Variants in RAB3C observed in about 807,000 individuals in gnomAD.
The protein encoded by RAB3C is RAB3C, member RAS oncogene family.
RAB3C carries 17 observed loss-of-function variants against 26.4 expected under a neutral mutation model. The ratio of observed to expected loss-of-function variants is 0.64; its 90% CI spans 0.44 to 0.97. RAB3C has a LOEUF of 0.97. Ranked by LOEUF, RAB3C falls within the 50% of genes least tolerant of loss-of-function variation. The pLI is 0.00. For missense variants in RAB3C, 242 were observed against 281.9 expected (o/e 0.86, Z 1.01); for synonymous variants, 91 against 95.9 (o/e 0.95, Z 0.30).
intron 1 of RAB3C, among the ~76,000 whole-genome samples, chr5:58,590,809 T>G (rs980042318): frequency 4.6e-5 from 7 of 152,154 alleles, no homozygotes; most frequent in African/African-American, 1.4e-4. Flanking sequence ...CCTCCCAAAG[T>G]GCTGGGATTA....
At chr5:58,785,881 A>G (rs772326186) in intron 3 of RAB3C, among the ~76,000 whole-genome samples, 3 of 152,260 alleles carry the variant, frequency 2.0e-5, no homozygotes, top group Non-Finnish European at 2.9e-5. Flanking sequence ...TCAGTTTCAG[A>G]GTGCTGCAAT....
At chr5:58,608,006 A>G (rs551307680) in intron 1 of RAB3C, among the ~76,000 whole-genome samples, 2 of 152,340 alleles carry the variant, frequency 1.3e-5, no homozygotes, top group East Asian at 1.9e-4. Flanking sequence ...CATCAATGCT[A>G]TGAAGAAACT....
In RAB3C at chr5:58,612,890, T is replaced by C. The variant is rs1482590409; in HGVS notation, c.25-4753T>C. Among the ~76,000 whole-genome samples, 4 of 152,080 alleles carry C rather than the reference T, an allele frequency of 2.6e-5. No homozygotes were observed. The South Asian group carries it at 8.3e-4, about 32-fold the overall frequency. On this transcript the variant is annotated intron_variant, in intron 1 of 4. Transcript: ENST00000282878. ...ATAGGAGTGGTGAAAGAGGGCATCC[T>C]TGTCTTGTGCTGGTTTTCAAGGGGA...
chr5:58,605,591 G>A (rs892772702), intron 1 of RAB3C, among the ~76,000 whole-genome samples: 14 of 152,142 alleles, frequency 9.2e-5, no homozygotes, highest in African/African-American at 3.4e-4. Flanking sequence ...GTGGGAACTA[G>A]CACTGAAGTA....
chr5:58,700,599 C>T (rs2662624), intron 2 of RAB3C, among the ~76,000 whole-genome samples: 54,270 of 152,036 alleles, frequency 0.36, 10,114 homozygotes, highest in East Asian at 0.42. Flanking sequence ...TGTGTGTTCC[C>T]TTGCAAAGTT....
chr5:58,662,832 G>T (rs1292275734), intron 2 of RAB3C, among the ~76,000 whole-genome samples: 1 of 150,240 alleles, frequency 6.7e-6, no homozygotes, highest in East Asian at 1.9e-4. Context: ...AACTCTTTTT[G>T]GATGATGGAT....
At chr5:58,745,479 C>T (rs1741384825) in intron 3 of RAB3C, among the ~76,000 whole-genome samples, 1 of 150,208 alleles carries the variant, frequency 6.7e-6, no homozygotes, top group East Asian at 2.0e-4. Flanking sequence ...CACCAGACCA[C>T]AAGCTGTTAT....
At chr5:58,653,864 A>G (rs1264492381) in intron 2 of RAB3C, among the ~76,000 whole-genome samples, 2 of 152,226 alleles carry the variant, frequency 1.3e-5, no homozygotes, top group Non-Finnish European at 2.9e-5. Context: ...AACAATTATC[A>G]TCAAGTTTTG....
At chr5:58,813,625 TATATATATACACAC>T (rs1561139482) in intron 3 of RAB3C, among the ~76,000 whole-genome samples, 19 of 19,926 alleles carry the variant, frequency 9.5e-4, no homozygotes, top group Admixed American at 4.1e-3. Context: ...TATATATATA[TATATATATACACAC>T]ACACACACAC....
intron 3 of RAB3C, among the ~76,000 whole-genome samples, chr5:58,729,254 T>A (rs1740951194): frequency 6.6e-6 from 1 of 152,066 alleles, no homozygotes; most frequent in African/African-American, 2.4e-5. Flanking sequence ...CATTTCTTTA[T>A]CGTGGTAAAA....
At chr5:58,673,401 G>A (rs1321055182) in intron 2 of RAB3C, among the ~76,000 whole-genome samples, 1 of 151,806 alleles carries the variant, frequency 6.6e-6, no homozygotes, top group African/African-American at 2.4e-5. Flanking sequence ...AAACTGTAGG[G>A]GGAAAGTGGG....
In RAB3C at chr5:58,851,616, TG is replaced by T. The variant is rs1744117048; in HGVS notation, c.*266del. ...ATTTATTTGTCTGCTAGGCTCTTTT[TG>T]TTTCAAATTTGTTCTCAGACTACTT... On this transcript the variant is annotated 3_prime_UTR_variant, in exon 5 of 5. Transcript: ENST00000282878. 1 of 352,722 alleles carries T rather than the reference TG, an allele frequency of 2.8e-6. No individual in the cohort carries two copies. 21.8% of individuals were successfully genotyped at this position (352,722 alleles called of 1,614,324 possible). A position where few individuals can be genotyped will look rare whatever the true frequency, so the allele number is the denominator to read the frequency against.
intron 2 of RAB3C, among the ~76,000 whole-genome samples, chr5:58,699,408 G>T (rs1748790199): frequency 6.6e-6 from 1 of 152,188 alleles, no homozygotes; most frequent in South Asian, 2.1e-4. Flanking sequence ...CTCCAGTTAG[G>T]CTACATGGGG....
intron 4 of RAB3C, among the ~76,000 whole-genome samples, chr5:58,833,954 T>A (rs1433505221): frequency 6.6e-6 from 1 of 151,486 alleles, no homozygotes; most frequent in Non-Finnish European, 1.5e-5. Context: ...ACCACCCCTT[T>A]CTTTTTAATG....
chr5:58,657,116 GAGTGAAGT>G (rs1157736521), intron 2 of RAB3C, among the ~76,000 whole-genome samples: 1 of 152,160 alleles, frequency 6.6e-6, no homozygotes, highest in Admixed American at 6.6e-5. Context: ...CTATTATTCT[GAGTGAAGT>G]AACTCAGGAA....
intron 2 of RAB3C, among the ~76,000 whole-genome samples, chr5:58,678,922 G>A (rs534721477): frequency 3.9e-5 from 6 of 152,170 alleles, no homozygotes; most frequent in Non-Finnish European, 5.9e-5. Context: ...AGGCTATTAC[G>A]TGTCCAAAAA....
chr5:58,815,225 T>G (rs1048649809), intron 3 of RAB3C, among the ~76,000 whole-genome samples: 31 of 152,182 alleles, frequency 2.0e-4, no homozygotes, highest in African/African-American at 7.5e-4. Flanking sequence ...AGACAGCACA[T>G]TGAAGACAAG....
chr5:58,789,376 G>T (rs13436045), intron 3 of RAB3C, among the ~76,000 whole-genome samples: 7 of 152,030 alleles, frequency 4.6e-5, no homozygotes, highest in Admixed American at 1.3e-4. Context: ...CCTATTATCC[G>T]CAGAATAACA....
chr5:58,677,263 C>T (rs1748248933), intron 2 of RAB3C, among the ~76,000 whole-genome samples: 1 of 152,228 alleles, frequency 6.6e-6, no homozygotes. Context: ...AACGACCTCA[C>T]TTCAAAATAG....
Sources: gnomAD v4.1 joint callset for allele counts (sites outside exome capture counted in the v4.1 genomes callset) on GRCh38, gnomAD v4.1.1 for gene constraint, MANE v1.5 for transcripts, NCBI Gene and HGNC (gene_info 2026-07-23, HGNC 2026-07-21) for gene names.